Variants in COL15A1 observed in about 807,000 individuals in gnomAD.
COL15A1 encodes collagen type XV alpha 1 chain, also known as collagen alpha-1(XV) chain.
Under a neutral mutation model 165.9 loss-of-function variants are expected in COL15A1, and 111 were observed. The observed-to-expected ratio is 0.67, with a 90% CI of 0.57 to 0.78. The LOEUF (loss-of-function observed/expected upper bound fraction) is 0.78. COL15A1 is among the 30% of genes least tolerant of loss of function. The probability of loss-of-function intolerance (pLI) is 0.00; values close to 1 mark genes in which losing one functional copy is unlikely to be tolerated. For missense variants in COL15A1, 1,745 were observed against 1,789.7 expected (o/e 0.98, Z 0.45); for synonymous variants, 659 against 674.8 (o/e 0.98, Z 0.36).
At chr9:99,062,680 T>G (rs1424434251) in intron 38 of COL15A1, among the ~76,000 whole-genome samples, 1 of 152,218 alleles carries the variant, frequency 6.6e-6, no homozygotes, top group Non-Finnish European at 1.5e-5. Context: ...TTGTCCATCT[T>G]CTAGCCCTAG....
chr9:99,038,844 T>TA (rs1839350961), intron 22 of COL15A1, 111 bp downstream of exon 22: 2 of 655,518 alleles, frequency 3.1e-6, no homozygotes, highest in Non-Finnish European at 5.6e-6. Context: ...AGCTAGAATA[T>TA]ATCAAAGTAG....
chr9:98,966,770 C>T (rs747799590), intron 2 of COL15A1, among the ~76,000 whole-genome samples: 18 of 152,194 alleles, frequency 1.2e-4, no homozygotes, highest in Non-Finnish European at 2.1e-4. Context: ...AAGCTACAAT[C>T]GACTCTGTGT....
At chr9:98,999,708 T>TG (rs1314398037) in intron 6 of COL15A1, among the ~76,000 whole-genome samples, 2 of 151,694 alleles carry the variant, frequency 1.3e-5, no homozygotes, top group African/African-American at 2.4e-5. Flanking sequence ...TTAGTAGAGA[T>TG]GGGGTCTCGC....
chr9:99,024,277 G>GTTTTTTTTTTTTTTTTTTTT (rs773196929), intron 14 of COL15A1, among the ~76,000 whole-genome samples: 4 of 108,644 alleles, frequency 3.7e-5, no homozygotes, highest in Non-Finnish European at 5.5e-5. Context: ...AGTTTTTTTT[G>GTTTTTTTTTTTTTTTTTTTT]TTTTTTTGTT....
intron 36 of COL15A1, among the ~76,000 whole-genome samples, chr9:99,061,532 T>A (rs1025943541): frequency 6.6e-6 from 1 of 152,224 alleles, no homozygotes; most frequent in South Asian, 2.1e-4. Flanking sequence ...TTGCCTTTCT[T>A]ATTCCAAATG....
Position 99,024,854 on chromosome 9 carries a change from CAG to C in COL15A1, c.1855-17_1855-16del, listed in dbSNP as rs766972092. ...TTCGGTATTCCCCCACTGTTTCTAA[CAG>C]AGTCTTTGTGTTTTTAGGGTCCTCC... On this transcript the variant is annotated intron_variant, in intron 14 of 41. Coordinates refer to ENST00000375001, the MANE Select transcript of COL15A1 (RefSeq NM_001855.5). 112 of 1,608,026 alleles carry C rather than the reference CAG, an allele frequency of 7.0e-5. No homozygotes were observed. Among genetic ancestry groups the C allele is most frequent in the Non-Finnish European group, 8.8e-5 (104 of 1,177,792 alleles).
chr9:98,955,533 T>G (rs1193775020), intron 2 of COL15A1, among the ~76,000 whole-genome samples: 1 of 152,228 alleles, frequency 6.6e-6, no homozygotes, highest in Non-Finnish European at 1.5e-5. Context: ...TATGAACCTT[T>G]GACCAGCAAA....
chr9:99,000,641 T>C (rs1838634356), intron 6 of COL15A1, among the ~76,000 whole-genome samples, 198 bp from the exon 7 acceptor site: 1 of 152,252 alleles, frequency 6.6e-6, no homozygotes, highest in Non-Finnish European at 1.5e-5. Flanking sequence ...GCGACTTGCC[T>C]GCAGGTGGTG....
chr9:99,000,253 A>G (rs187112507), intron 6 of COL15A1, among the ~76,000 whole-genome samples: 1 of 152,272 alleles, frequency 6.6e-6, no homozygotes, highest in Admixed American at 6.5e-5. Context: ...TTACACTCCT[A>G]TCTTCTGGAA....
intron 28 of COL15A1, 58 bp from the exon 29 acceptor site, chr9:99,049,620 AGTGTCCTGTGGC>A: frequency 6.3e-7 from 1 of 1,589,730 alleles, no homozygotes; most frequent in Non-Finnish European, 8.6e-7. Context: ...CTCTGGAGGA[AGTGTCCTGTGGC>A]TGCCCCTGCA....
Position 99,066,977 on chromosome 9 carries a change from C to A in COL15A1, c.3747C>A (p.Thr1249=). Reference sequence around the variant, plus strand: ...CCAGAGCTGCAGGACTGTTGTCCACCTACCGAGCATTCTTATCTTCCCATT... The same window carrying A: ...CCAGAGCTGCAGGACTGTTGTCCACATACCGAGCATTCTTATCTTCCCATT... ...KQARAAGLLS[T]YRAFLSSHLQ... is the part of the protein sequence containing the mutation. The change falls in exon 40 of 42, where the codon ACC becomes ACA. Residue 1249 remains threonine (T), a synonymous_variant. Transcript: ENST00000375001. 6.2e-7 allele frequency: 1 copy of A among 1,614,190 alleles called. No homozygotes were observed. Among genetic ancestry groups the A allele is most frequent in the Non-Finnish European group, 8.5e-7 (1 of 1,180,022 alleles).
intron 2 of COL15A1, among the ~76,000 whole-genome samples, chr9:98,983,406 T>C (rs1475084610): frequency 6.6e-6 from 1 of 152,148 alleles, no homozygotes; most frequent in Non-Finnish European, 1.5e-5. Flanking sequence ...TCAGTGAGGC[T>C]GCAGCAGTGA....
rs151100135 is a variant in COL15A1, at chr9:99,017,679, C to T, written c.1647+1560C>T. 3.8e-3 allele frequency among the ~76,000 whole-genome samples: 576 copies of T among 152,238 alleles called. 2 individuals are homozygous for T. Among genetic ancestry groups the T allele is most frequent in the African/African-American group, 0.013 (524 of 41,532 alleles). Reference sequence around the variant, plus strand: ...GCAGCCAGCTCTGGATTGACCCGCTCATGCACTGTGACTTCCCAAACAATG... The same window carrying T: ...GCAGCCAGCTCTGGATTGACCCGCTTATGCACTGTGACTTCCCAAACAATG... On this transcript the variant is annotated intron_variant, in intron 11 of 41. Coordinates refer to ENST00000375001, the MANE Select transcript of COL15A1 (RefSeq NM_001855.5).
intron 2 of COL15A1, among the ~76,000 whole-genome samples, chr9:98,955,043 CA>C (rs1837753119): frequency 1.3e-5 from 2 of 152,256 alleles, no homozygotes; most frequent in Non-Finnish European, 2.9e-5. Flanking sequence ...ATCAGGCCTC[CA>C]GTACCTTGGA....
Position 98,955,942 on chromosome 9 carries a change from G to A in COL15A1, c.100+11692G>A, listed in dbSNP as rs1837769257. ...GGTCACAGTTCAAGTTGGCAGGAGAGCCAGGTCTAGAACCAGGTATCCTGA... is the reference window on the plus strand; with the variant it reads ...GGTCACAGTTCAAGTTGGCAGGAGAACCAGGTCTAGAACCAGGTATCCTGA... On this transcript the variant is annotated intron_variant, in intron 2 of 41. Transcript: ENST00000375001. Among the ~76,000 whole-genome samples the A allele has an allele frequency of 6.6e-5, 10 of 152,372 alleles. No individual in the cohort carries two copies. In the South Asian group the frequency reaches 2.1e-3, roughly 32 times the overall value.
intron 38 of COL15A1, 56 bp from the exon 39 acceptor site, chr9:99,062,994 G>A (rs893717807): frequency 3.2e-6 from 5 of 1,560,760 alleles, no homozygotes; most frequent in African/African-American, 1.4e-5. Flanking sequence ...AATACACTCT[G>A]AAGAACAGAT....
intron 38 of COL15A1, among the ~76,000 whole-genome samples, 188 bp from the exon 39 acceptor site, chr9:99,062,846 ACTCTTGAGAACATTTT>A (rs1825837801): frequency 2.0e-5 from 3 of 152,166 alleles, no homozygotes; most frequent in Middle Eastern, 6.8e-3. Flanking sequence ...TCTTTTTAAA[ACTCTTGAGAACATTTT>A]CTCCCTTTCT....
chr9:99,039,002 G>C (rs1839354564), intron 22 of COL15A1, among the ~76,000 whole-genome samples: 1 of 152,198 alleles, frequency 6.6e-6, no homozygotes, highest in Admixed American at 6.5e-5. Flanking sequence ...GTAACAAACA[G>C]ATGACATCTG....
At chr9:99,066,740 G>T in intron 39 of COL15A1, 142 bp from the exon 40 acceptor site, 1 of 675,334 alleles carries the variant, frequency 1.5e-6, no homozygotes, top group Non-Finnish European at 2.5e-6. Flanking sequence ...TAATTCCAAT[G>T]TCAGGGAGGG....
Sources: gnomAD v4.1 joint callset for allele counts (sites outside exome capture counted in the v4.1 genomes callset) on GRCh38, gnomAD v4.1.1 for gene constraint, MANE v1.5 for transcripts, NCBI Gene and HGNC (gene_info 2026-07-23, HGNC 2026-07-21) for gene names.